Variants in VSIG10 observed in about 807,000 individuals in gnomAD.
VSIG10 encodes V-set and immunoglobulin domain-containing protein 10.
In VSIG10, 48 loss-of-function variants were observed where a neutral mutation model predicts 58.7. That is an observed-to-expected ratio of 0.82 (90% confidence interval 0.65 to 1.04). The LOEUF is 1.04. Among genes scored for constraint, VSIG10 ranks in the 50% least tolerant of loss-of-function variants. The pLI is 0.00. For synonymous variants in VSIG10, 260 were observed against 267.1 expected (o/e 0.97, Z 0.26); for missense variants, 628 against 670.0 (o/e 0.94, Z 0.69).
At chr12:118,099,588 C>G (rs903877656) in intron 1 of VSIG10, among the ~76,000 whole-genome samples, 2 of 152,190 alleles carry the variant, frequency 1.3e-5, no homozygotes, top group African/African-American at 4.8e-5. Flanking sequence ...TACAAAGAGG[C>G]TGCAGGAATA....
At position 118,082,225 on chromosome 12, in the gene VSIG10, AAC is replaced by A; in HGVS notation, c.564_565del (p.Leu189ThrfsTer64). 3 of 1,613,966 alleles carry A rather than the reference AAC, an allele frequency of 1.9e-6. No individual in the cohort carries two copies. The highest frequency in any genetic ancestry group is 2.5e-6 in the Non-Finnish European group (3 of 1,179,886). On this transcript the variant is annotated frameshift_variant, in exon 3 of 9. Coordinates refer to ENST00000359236, the MANE Select transcript of VSIG10 (RefSeq NM_019086.6). LOFTEE classifies it high-confidence loss of function. ...CCCTTGGAGGTTTGGCGATATCAGT[AAC>A]AGTGAGAAAAAGTTGACTGTCAGGT...
Position 118,065,165 on chromosome 12 carries a change from TAAG to T in VSIG10, c.*1471_*1473del, listed in dbSNP as rs1202081511. 2 of 152,230 alleles carry T rather than the reference TAAG, an allele frequency of 1.3e-5. No homozygotes were observed. The highest frequency in any genetic ancestry group is 2.9e-5 in the Non-Finnish European group (2 of 68,044). The allele number at this position is 152,230 out of a possible 1,614,324, so 9.4% of individuals were successfully genotyped here. On this transcript the variant is annotated 3_prime_UTR_variant, in exon 9 of 9. Coordinates refer to ENST00000359236, the MANE Select transcript of VSIG10 (RefSeq NM_019086.6). Reference sequence around the variant, plus strand: ...GATCAGTGTACCCTCAGAATATCCTTAAGAAGCAGGAAGGAAACAAGTTTTCCT... The same window carrying T: ...GATCAGTGTACCCTCAGAATATCCTTAAGCAGGAAGGAAACAAGTTTTCCT...
intron 2 of VSIG10, among the ~76,000 whole-genome samples, chr12:118,091,385 G>A (rs905867392): frequency 5.9e-5 from 9 of 151,898 alleles, no homozygotes; most frequent in Non-Finnish European, 1.2e-4. Flanking sequence ...CCAGCTACTC[G>A]GGAGGCTGAG....
chr12:118,068,247 C>G, intron 8 of VSIG10, 130 bp downstream of exon 8: 1 of 522,470 alleles, frequency 1.9e-6, no homozygotes, highest in Non-Finnish European at 3.2e-6. Flanking sequence ...GTTGCCCAGG[C>G]TAGTCTTGAA....
At chr12:118,091,205 T>C (rs2033285015) in intron 2 of VSIG10, among the ~76,000 whole-genome samples, 1 of 152,022 alleles carries the variant, frequency 6.6e-6, no homozygotes, top group South Asian at 2.1e-4. Context: ...GTTAAAATGT[T>C]TCAGGGGCTG....
At chr12:118,088,437 CA>C (rs2033196822) in intron 2 of VSIG10, among the ~76,000 whole-genome samples, 1 of 152,082 alleles carries the variant, frequency 6.6e-6, no homozygotes, top group Non-Finnish European at 1.5e-5. Context: ...ATTTCACAGA[CA>C]ATAAAACTAA....
chr12:118,081,048 C>T lies in VSIG10; in HGVS notation c.664+1079G>A, dbSNP rs140053064. Among the ~76,000 whole-genome samples the T allele has an allele frequency of 5.3e-3, 812 of 152,090 alleles. 2 individuals carry two copies. The highest frequency in any genetic ancestry group is 8.7e-3 in the Non-Finnish European group (591 of 67,996). On this transcript the variant is annotated intron_variant, in intron 3 of 8. Transcript: ENST00000359236. ...TTGAGCTCAGGAGTTTGAGGCTAGC[C>T]TGGGCAACGTGGGGAGACCCTGTCT... is the stretch of plus-strand genomic sequence containing the variant.
chr12:118,078,578 C>T (rs893273616), intron 4 of VSIG10, among the ~76,000 whole-genome samples: 3 of 152,086 alleles, frequency 2.0e-5, no homozygotes, highest in Non-Finnish European at 2.9e-5. Flanking sequence ...AGCAGCCTGA[C>T]GCTCTCACCA....
chr12:118,072,536 G>A (rs1342165014), intron 5 of VSIG10, among the ~76,000 whole-genome samples: 1 of 151,308 alleles, frequency 6.6e-6, no homozygotes, highest in East Asian at 2.0e-4. Context: ...AGGGAAAAGG[G>A]AGAAGAGAAA....
intron 3 of VSIG10, among the ~76,000 whole-genome samples, chr12:118,081,677 C>A (rs2032952703): frequency 6.6e-6 from 1 of 152,146 alleles, no homozygotes. Context: ...ATTGAGGGAG[C>A]CACAGATACA....
intron 4 of VSIG10, among the ~76,000 whole-genome samples, chr12:118,077,985 C>G (rs754737404): frequency 5.9e-5 from 9 of 152,124 alleles, no homozygotes; most frequent in Non-Finnish European, 1.2e-4. Flanking sequence ...TTTTAAGCCA[C>G]TATGTTTGAG....
chr12:118,094,609 C>G (rs2033392010), intron 2 of VSIG10, among the ~76,000 whole-genome samples: 1 of 151,996 alleles, frequency 6.6e-6, no homozygotes, highest in African/African-American at 2.4e-5. Flanking sequence ...GTCTTGAACT[C>G]CTGACTTTGG....
At chr12:118,097,410 T>C (rs1472670362) in intron 1 of VSIG10, among the ~76,000 whole-genome samples, 1 of 151,720 alleles carries the variant, frequency 6.6e-6, no homozygotes, top group East Asian at 1.9e-4. Flanking sequence ...AGGCCAGGAG[T>C]TCGAGACTAG....
Position 118,079,406 on chromosome 12 carries a change from T to C in VSIG10, c.865A>G (p.Lys289Glu). The C allele has an allele frequency of 6.2e-7, 1 of 1,614,012 alleles. No individual in the cohort carries two copies. Among genetic ancestry groups the C allele is most frequent in the Middle Eastern group, 1.6e-4 (1 of 6,062 alleles). ...ESQLSDGKKF[K>E]CVTSHIVGPE... ...CCAACTATGTGGCTTGTAACACACT[T>C]GAACTTCTTGCCATCCGACAGCTGG... is the stretch of plus-strand genomic sequence containing the variant. The change falls in exon 4 of 9, where the codon AAG becomes GAG. Residue 289 changes from lysine (K) to glutamate (E), a missense_variant. Transcript: ENST00000359236.
At chr12:118,080,573 G>C (rs2032912940) in intron 3 of VSIG10, among the ~76,000 whole-genome samples, 1 of 152,190 alleles carries the variant, frequency 6.6e-6, no homozygotes. Context: ...TCATAACAGT[G>C]CTAGAGGGCC....
intron 7 of VSIG10, among the ~76,000 whole-genome samples, chr12:118,069,928 G>A (rs1001588512): frequency 6.6e-6 from 1 of 152,126 alleles, no homozygotes; most frequent in Non-Finnish European, 1.5e-5. Context: ...AGGTCCAATG[G>A]TCTCAGTGCC....
At chr12:118,070,611 C>A (rs7304233) in intron 7 of VSIG10, among the ~76,000 whole-genome samples, 30,974 of 150,908 alleles carry the variant, frequency 0.21, 3,613 homozygotes, top group East Asian at 0.52. Flanking sequence ...CTGATTCTTT[C>A]TTTTAGCTCT....
chr12:118,074,178 C>G (rs1253250474), intron 4 of VSIG10, among the ~76,000 whole-genome samples, 186 bp from the exon 5 acceptor site: 2 of 150,420 alleles, frequency 1.3e-5, no homozygotes, highest in Non-Finnish European at 3.0e-5. Flanking sequence ...TGCCTCCCTC[C>G]CGGGTTCAAG....
At chr12:118,089,342 C>A (rs901120802) in intron 2 of VSIG10, among the ~76,000 whole-genome samples, 1 of 152,022 alleles carries the variant, frequency 6.6e-6, no homozygotes, top group Non-Finnish European at 1.5e-5. Context: ...GAAACTAATC[C>A]ATCCTCCAAT....
Sources: gnomAD v4.1 joint callset for allele counts (sites outside exome capture counted in the v4.1 genomes callset) on GRCh38, gnomAD v4.1.1 for gene constraint, MANE v1.5 for transcripts, NCBI Gene and HGNC (gene_info 2026-07-23, HGNC 2026-07-21) for gene names.